The following CUTC variants were observed in gnomAD, a reference collection of about 807,000 sequenced individuals.
CUTC encodes copper homeostasis protein cutC homolog.
CUTC carries 27 observed loss-of-function variants against 36.2 expected under a neutral mutation model. That is an observed-to-expected ratio of 0.75 (90% CI 0.55 to 1.03). The LOEUF (loss-of-function observed/expected upper bound fraction) is 1.03, where lower values mean the gene tolerates loss of function less well. CUTC is among the 50% of genes least tolerant of loss of function. The pLI, the probability that CUTC is intolerant of heterozygous loss-of-function variation, is 0.00. For missense variants in CUTC, 315 were observed against 343.5 expected (o/e 0.92, Z 0.66); for synonymous variants, 114 against 118.3 (o/e 0.96, Z 0.24).
chr10:99,734,673 G>C (rs2037280174), intron 1 of CUTC, among the ~76,000 whole-genome samples: 1 of 151,952 alleles, frequency 6.6e-6, no homozygotes, highest in African/African-American at 2.4e-5. Context: ...TCAAAACTCT[G>C]TTTACATCAC....
rs2037281770 is a variant in CUTC at position 99,734,844 on chromosome 10, TATA to T, written c.62-1399_62-1397del. On this transcript the variant is annotated intron_variant, in intron 1 of 8. Transcript: ENST00000370476. Reference sequence around the variant, plus strand: ...GAGGCCAGACGTGGTGGCTCATGCCTATAATCCCAGCACTTTGGGAGGCCGAGG... The same window carrying T: ...GAGGCCAGACGTGGTGGCTCATGCCTATCCCAGCACTTTGGGAGGCCGAGG... Among the ~76,000 whole-genome samples, 8 of 152,308 alleles carry T rather than the reference TATA, an allele frequency of 5.3e-5. No homozygotes were observed. The South Asian group carries it at 1.7e-3, about 32-fold the overall frequency.
chr10:99,744,187 G>GT (rs2037362027), intron 5 of CUTC, 115 bp downstream of exon 5: 2 of 760,488 alleles, frequency 2.6e-6, no homozygotes, highest in Non-Finnish European at 4.1e-6. Flanking sequence ...TTACCAATTG[G>GT]TTTTTTAGAT....
intron 5 of CUTC, among the ~76,000 whole-genome samples, chr10:99,746,362 G>A (rs2037377717): frequency 6.6e-6 from 1 of 152,116 alleles, no homozygotes; most frequent in African/African-American, 2.4e-5. Flanking sequence ...GCCTTTCCGA[G>A]GGTGGAGGGT....
At chr10:99,732,475 G>T in intron 1 of CUTC, 66 bp downstream of exon 1, 1 of 1,545,558 alleles carries the variant, frequency 6.5e-7, no homozygotes, top group Non-Finnish European at 8.7e-7. Flanking sequence ...GGCGGGAGTC[G>T]TAGTCAGTGG....
At chr10:99,747,568 C>T (rs2037387991) in intron 6 of CUTC, 178 bp downstream of exon 6, 1 of 647,436 alleles carries the variant, frequency 1.5e-6, no homozygotes, top group Non-Finnish European at 2.5e-6. Context: ...TTTTAATAAC[C>T]AAGGCTTTCA....
chr10:99,755,881 G>A lies in CUTC; in HGVS notation c.*142G>A. On this transcript the variant is annotated 3_prime_UTR_variant, in exon 9 of 9. Coordinates refer to ENST00000370476, the MANE Select transcript of CUTC (RefSeq NM_015960.3). ...TAAGTTTCACATGGCCATGGAGAAT[G>A]TGCCCAAGAAGAAAAAGAATTTGAA... 1 of 572,632 alleles carries A rather than the reference G, an allele frequency of 1.7e-6. No individual in the cohort carries two copies. Among genetic ancestry groups the A allele is most frequent in the Non-Finnish European group, 3.1e-6 (1 of 323,992 alleles). The allele number at this position is 572,632 out of a possible 1,614,324, so 35.5% of individuals were successfully genotyped here.
chr10:99,754,129 C>T (rs1337037170), intron 7 of CUTC, among the ~76,000 whole-genome samples: 6 of 152,182 alleles, frequency 3.9e-5, no homozygotes, highest in African/African-American at 1.4e-4. Flanking sequence ...GTAGTCTTTA[C>T]ATCTGGGGCT....
chr10:99,755,153 A>G (rs2037445683), intron 8 of CUTC, among the ~76,000 whole-genome samples: 1 of 152,162 alleles, frequency 6.6e-6, no homozygotes, highest in African/African-American at 2.4e-5. Flanking sequence ...TAGTAGTTGA[A>G]TATTTCTGTT....
intron 7 of CUTC, among the ~76,000 whole-genome samples, chr10:99,752,878 T>G (rs529181329): frequency 6.6e-4 from 101 of 152,328 alleles, no homozygotes; most frequent in African/African-American, 2.3e-3. Context: ...CAGAATAGAC[T>G]TATAAACACA....
At chr10:99,753,647 G>A (rs1402343306) in intron 7 of CUTC, among the ~76,000 whole-genome samples, 3 of 152,170 alleles carry the variant, frequency 2.0e-5, no homozygotes, top group African/African-American at 7.2e-5. Flanking sequence ...TTGAGCTCAA[G>A]TGATACTCCT....
chr10:99,751,074 A>G lies in CUTC; in HGVS notation c.601+678A>G, dbSNP rs559889454. Among the ~76,000 whole-genome samples, 4 of 152,338 alleles carry G rather than the reference A, an allele frequency of 2.6e-5. No individual in the cohort carries two copies. In the South Asian group the frequency reaches 6.2e-4, roughly 24 times the overall value. The stretch of plus-strand genomic sequence containing the variant: ...GTAGAAAATAGCATAATGAATACTC[A>G]TATGCTCATTCCCTAGATTTAACAT... On this transcript the variant is annotated intron_variant, in intron 7 of 8. Transcript: ENST00000370476.
intron 4 of CUTC, 65 bp from the exon 5 acceptor site, chr10:99,743,972 A>G (rs2037359716): frequency 7.4e-7 from 1 of 1,354,942 alleles, no homozygotes; most frequent in African/African-American, 1.5e-5. Context: ...AACATGGAGA[A>G]TTCTATATAT....
chr10:99,753,865 C>G (rs1189496920), intron 7 of CUTC, among the ~76,000 whole-genome samples: 2 of 152,034 alleles, frequency 1.3e-5, no homozygotes, highest in Non-Finnish European at 2.9e-5. Context: ...TGAGTACATC[C>G]TATAGGGAGA....
chr10:99,735,092 A>G (rs1328622820), intron 1 of CUTC, among the ~76,000 whole-genome samples: 1 of 122,128 alleles, frequency 8.2e-6, no homozygotes, highest in East Asian at 2.3e-4. Flanking sequence ...ACAGAGCAAG[A>G]CTCTGTATCA....
chr10:99,753,434 G>A (rs911945353), intron 7 of CUTC, among the ~76,000 whole-genome samples: 1 of 152,076 alleles, frequency 6.6e-6, no homozygotes, highest in Non-Finnish European at 1.5e-5. Flanking sequence ...TTCTGAGACA[G>A]GGTCTCACTG....
chr10:99,747,624 G>A (rs1277311944), intron 6 of CUTC, among the ~76,000 whole-genome samples: 1 of 152,206 alleles, frequency 6.6e-6, no homozygotes, highest in East Asian at 1.9e-4. Context: ...GATCTAACTT[G>A]GATAAGCACA....
chr10:99,739,752 GA>G lies in CUTC; in HGVS notation c.178del (p.Thr60LeufsTer10). ...IELCSGLSEG[G>X]TTPSMGVLQV... ...TTATGTTCTGGTTTATCAGAGGGGG[GA>G]ACTACACCCAGCATGGGTAAGTGTC... On this transcript the variant is annotated frameshift_variant, in exon 3 of 9. Coordinates refer to ENST00000370476, the MANE Select transcript of CUTC (RefSeq NM_015960.3). LOFTEE classifies it high-confidence loss of function. The G allele has an allele frequency of 6.2e-7, 1 of 1,610,766 alleles. No individual in the cohort carries two copies. Among genetic ancestry groups the G allele is most frequent in the East Asian group, 2.2e-5 (1 of 44,642 alleles).
Position 99,743,136 on chromosome 10 carries a change from G to C in CUTC, c.194-17G>C, listed in dbSNP as rs1056830642. 6.2e-7 allele frequency: 1 copy of C among 1,611,172 alleles called. No individual in the cohort carries two copies. Among genetic ancestry groups the C allele is most frequent in the African/African-American group, 1.3e-5 (1 of 74,732 alleles). ...TTAGCTCACATTTGAATTTTAATCTGCTTTCTTTTCTTGTAGGTGTCCTTC... is the reference window on the plus strand; with the variant it reads ...TTAGCTCACATTTGAATTTTAATCTCCTTTCTTTTCTTGTAGGTGTCCTTC... On this transcript the variant is annotated splice_polypyrimidine_tract_variant and intron_variant, in intron 3 of 8. Transcript: ENST00000370476.
At chr10:99,733,611 G>A (rs935328144) in intron 1 of CUTC, among the ~76,000 whole-genome samples, 1 of 152,058 alleles carries the variant, frequency 6.6e-6, no homozygotes, top group Non-Finnish European at 1.5e-5. Context: ...TCCATCTTGG[G>A]TGACAGAGTG....
Sources: allele counts gnomAD v4.1 joint callset (sites outside exome capture counted in the v4.1 genomes callset), GRCh38; gene constraint gnomAD v4.1.1; transcripts MANE v1.5; gene names NCBI Gene and HGNC (gene_info 2026-07-23, HGNC 2026-07-21).